IL6ST: variants seen among roughly 807,000 people sequenced by gnomAD.
IL6ST encodes interleukin 6 cytokine family signal transducer, also known as interleukin-6 receptor subunit beta.
In IL6ST, 24 loss-of-function variants were observed where a neutral mutation model predicts 91.3. The observed-to-expected ratio is 0.26, with a 90% confidence interval of 0.19 to 0.37. The LOEUF is 0.37. Ranked by LOEUF, IL6ST falls within the 10% of genes least tolerant of loss-of-function variation. The probability of loss-of-function intolerance (pLI) is 1.00; values close to 1 mark genes in which losing one functional copy is unlikely to be tolerated. For missense variants in IL6ST, 914 were observed against 1,078.5 expected, an observed-to-expected ratio of 0.85 and a Z score of 2.14; for synonymous variants, 351 against 373.6, an observed-to-expected ratio of 0.94 and a Z score of 0.70.
intron 2 of IL6ST, among the ~76,000 whole-genome samples, chr5:55,981,604 T>C (rs1048562448): frequency 3.9e-5 from 6 of 151,920 alleles, no homozygotes; most frequent in Middle Eastern, 3.5e-3. Context: ...GATCGTGCCA[T>C]TGCACTCCAG....
At chr5:55,990,289 A>G (rs1043417622) in intron 1 of IL6ST, among the ~76,000 whole-genome samples, 18 of 151,990 alleles carry the variant, frequency 1.2e-4, no homozygotes, top group Non-Finnish European at 2.4e-4. Flanking sequence ...TTTAAAAAAA[A>G]AAGAAGAAGA....
intron 2 of IL6ST, among the ~76,000 whole-genome samples, chr5:55,979,464 G>A (rs1318342660): frequency 6.6e-6 from 1 of 152,126 alleles, no homozygotes; most frequent in Non-Finnish European, 1.5e-5. Context: ...TTTGCAGTAT[G>A]TAACAAAAGG....
chr5:55,971,216 G>A (rs1325676100), intron 3 of IL6ST, among the ~76,000 whole-genome samples: 4 of 152,184 alleles, frequency 2.6e-5, no homozygotes, highest in Non-Finnish European at 1.5e-5. Context: ...ATCCAGGACA[G>A]ATACTCTGTA....
At chr5:55,943,019 A>G (rs1325080377) in intron 15 of IL6ST, among the ~76,000 whole-genome samples, 3 of 152,140 alleles carry the variant, frequency 2.0e-5, no homozygotes, top group Admixed American at 1.3e-4. Context: ...TAAACTCTCA[A>G]AATTCTGCAA....
rs1179565417 is a variant in IL6ST at position 55,947,516 on chromosome 5, C to G, written c.1914G>C (p.Leu638=). ...AFLLTTLLGV[L]FCFNKRDLIK... is the part of the protein sequence containing the mutation. ...ACAGGTCTCGCTTATTAAAGCAGAA[C>G]AGCACTCCCAGAAGAGTTGTCAATA... Residue 638 remains leucine (L), a synonymous_variant, in exon 15 of 17, where the codon CTG becomes CTC. Transcript: ENST00000381298. 1.3e-6 allele frequency: 2 copies of G among 1,528,614 alleles called. No homozygotes were observed. Among genetic ancestry groups the G allele is most frequent in the Non-Finnish European group, 1.8e-6 (2 of 1,133,124 alleles). 94.7% of individuals were successfully genotyped at this position (1,528,614 alleles called of 1,614,324 possible). A position where few individuals can be genotyped will look rare whatever the true frequency, so the allele number is the denominator to read the frequency against.
intron 8 of IL6ST, among the ~76,000 whole-genome samples, chr5:55,957,804 ATTAG>A (rs1053285192): frequency 9.2e-5 from 14 of 151,978 alleles, no homozygotes; most frequent in African/African-American, 1.9e-4. Context: ...ATTTTGAAAA[ATTAG>A]TTAATATGAT....
intron 11 of IL6ST, 123 bp from the exon 12 acceptor site, chr5:55,952,474 T>C: frequency 1.8e-6 from 1 of 557,550 alleles, no homozygotes. Flanking sequence ...TGCAGTTTTC[T>C]AAGTAAGCAT....
At chr5:55,954,669 GA>G in intron 11 of IL6ST, 140 bp downstream of exon 11, 1 of 585,022 alleles carries the variant, frequency 1.7e-6, no homozygotes, top group Non-Finnish European at 2.9e-6. Context: ...ATGACTTGCT[GA>G]AAGTCACACA....
chr5:55,953,311 C>A (rs1163369318), intron 11 of IL6ST, among the ~76,000 whole-genome samples: 2 of 152,138 alleles, frequency 1.3e-5, no homozygotes, highest in African/African-American at 4.8e-5. Context: ...TTTTTATATT[C>A]TACTCTAATG....
rs893066797 is a variant in IL6ST at position 55,936,034 on chromosome 5, A to T, written c.*5048T>A. 4 of 226,780 alleles carry T rather than the reference A, an allele frequency of 1.8e-5. No homozygotes were observed. The highest frequency in any genetic ancestry group is 4.4e-5 in the African/African-American group (2 of 45,014). The allele number at this position is 226,780 out of a possible 1,614,324, so 14.0% of individuals were successfully genotyped here. A position where few individuals can be genotyped will look rare whatever the true frequency, so the allele number is the denominator to read the frequency against. ...GTTATTTCTATAAACTCTGGTATAT[A>T]TGTGAAGGAGTTACTGTTGGCTGGC... On this transcript the variant is annotated 3_prime_UTR_variant, in exon 17 of 17. Coordinates refer to ENST00000381298, the MANE Select transcript of IL6ST (RefSeq NM_002184.4).
chr5:55,936,200 G>C lies in IL6ST; in HGVS notation c.*4882C>G, dbSNP rs879465256. 2 of 227,520 alleles carry C rather than the reference G, an allele frequency of 8.8e-6. No individual in the cohort carries two copies. The highest frequency in any genetic ancestry group is 8.7e-6 in the Non-Finnish European group (1 of 114,618). The allele number at this position is 227,520 out of a possible 1,614,324, so 14.1% of individuals were successfully genotyped here. Reference sequence around the variant, plus strand: ...TACTACTTAGTAACCTCAAGAAGTAGCAGGAGGATGCCATGTATCAATCTT... The same window carrying C: ...TACTACTTAGTAACCTCAAGAAGTACCAGGAGGATGCCATGTATCAATCTT... On this transcript the variant is annotated 3_prime_UTR_variant, in exon 17 of 17. Transcript: ENST00000381298.
At chr5:55,952,207 A>T (rs1447107892) in intron 12 of IL6ST, 43 bp downstream of exon 12, 2 of 1,521,436 alleles carry the variant, frequency 1.3e-6, no homozygotes, top group South Asian at 2.3e-5. Flanking sequence ...TGTTAATACA[A>T]AGCCCTAAAC....
chr5:55,952,131 T>C (rs1263110649), intron 12 of IL6ST, 56 bp from the exon 13 acceptor site: 1 of 1,551,562 alleles, frequency 6.4e-7, no homozygotes. Flanking sequence ...CTAGTAAAAT[T>C]TCCTTGTCAT....
chr5:55,984,019 T>C (rs936287544), intron 1 of IL6ST, among the ~76,000 whole-genome samples: 55 of 151,030 alleles, frequency 3.6e-4, no homozygotes, highest in East Asian at 3.8e-4. Flanking sequence ...TTTTTTTTTT[T>C]CTACAACACT....
rs373450476 is a variant in IL6ST, at chr5:55,983,740, C to G, written c.-103-929G>C. ...CTATAATCCCACCAAGAGATAACTACCATGAACATTTTGGTGGATATTCTT... is the reference window on the plus strand; with the variant it reads ...CTATAATCCCACCAAGAGATAACTAGCATGAACATTTTGGTGGATATTCTT... On this transcript the variant is annotated intron_variant, in intron 1 of 16. Transcript: ENST00000381298. 3.9e-4 allele frequency among the ~76,000 whole-genome samples: 60 copies of G among 152,122 alleles called. No individual in the cohort carries two copies. The South Asian group carries it at 0.012, about 31-fold the overall frequency.
At chr5:55,990,148 T>G (rs1754229109) in intron 1 of IL6ST, among the ~76,000 whole-genome samples, 1 of 152,206 alleles carries the variant, frequency 6.6e-6, no homozygotes, top group Non-Finnish European at 1.5e-5. Context: ...GCTCTGGATA[T>G]GTATACACAC....
intron 10 of IL6ST, among the ~76,000 whole-genome samples, chr5:55,955,743 G>C (rs1751913676): frequency 6.6e-6 from 1 of 152,154 alleles, no homozygotes; most frequent in African/African-American, 2.4e-5. Context: ...TCACTAGCTG[G>C]GTTTGGTGGC....
rs551130374 is a variant in IL6ST, at chr5:55,960,533, C to T, written c.842G>A (p.Arg281Gln). 1.0e-4 allele frequency: 161 copies of T among 1,613,462 alleles called. No homozygotes were observed. The South Asian group carries it at 1.1e-3, about 11-fold the overall frequency. Residue 281 changes from arginine to glutamine, a missense_variant, in exon 8 of 17, where the codon CGA (arginine) becomes CAA (glutamine). Transcript: ENST00000381298. ...QIPPEDTAST[R>Q]SSFTVQDLKP... ...AAGGTCTTGGACAGTGAATGAAGAT[C>T]GGGTGGATGCTGTGTCTTCAGGAGG...
chr5:55,947,020 T>C (rs1309151395), intron 15 of IL6ST, among the ~76,000 whole-genome samples: 1 of 151,904 alleles, frequency 6.6e-6, no homozygotes, highest in Non-Finnish European at 1.5e-5. Context: ...CTGGCCAACA[T>C]GGTGATACCC....
Sources: gnomAD v4.1 joint callset for allele counts (sites outside exome capture counted in the v4.1 genomes callset) on GRCh38, gnomAD v4.1.1 for gene constraint, MANE v1.5 for transcripts, NCBI Gene and HGNC (gene_info 2026-07-23, HGNC 2026-07-21) for gene names.